Variants in CYB5R4 observed in about 807,000 individuals in gnomAD.
CYB5R4 encodes N-terminal cytochrome b5 and cytochrome b5 oxidoreductase domain-containing protein.
CYB5R4 carries 55 observed loss-of-function variants against 70.2 expected under a neutral mutation model. The ratio of observed to expected loss-of-function variants is 0.78; its 90% CI spans 0.63 to 0.98. CYB5R4 has a LOEUF of 0.98. Among genes scored for constraint, CYB5R4 ranks in the 50% least tolerant of loss-of-function variants. The pLI is 0.00. For missense variants in CYB5R4, 562 were observed against 612.6 expected (o/e 0.92, Z 0.87); for synonymous variants, 197 against 199.5 (o/e 0.99, Z 0.11).
chr6:83,904,343 G>A (rs1251672882), intron 3 of CYB5R4, among the ~76,000 whole-genome samples: 2 of 152,044 alleles, frequency 1.3e-5, no homozygotes, highest in Non-Finnish European at 2.9e-5. Context: ...GTATTTGTAT[G>A]GTTTTGAAAG....
chr6:83,934,750 G>T lies in CYB5R4; in HGVS notation c.955+15G>T, dbSNP rs199819342. The T allele has an allele frequency of 6.3e-6, 10 of 1,597,924 alleles. No individual in the cohort carries two copies. The highest frequency in any genetic ancestry group is 6.0e-6 in the Non-Finnish European group (7 of 1,173,952). On this transcript the variant is annotated intron_variant, in intron 11 of 15. Coordinates refer to ENST00000369681, the MANE Select transcript of CYB5R4 (RefSeq NM_016230.4). ...ACCTATTACAGGTAAGGTGAATAGAGGCTTTGGGACACAATTTATTCTTTT... is the reference window on the plus strand; with the variant it reads ...ACCTATTACAGGTAAGGTGAATAGATGCTTTGGGACACAATTTATTCTTTT...
At chr6:83,897,725 C>A (rs575601679) in intron 3 of CYB5R4, among the ~76,000 whole-genome samples, 7 of 152,048 alleles carry the variant, frequency 4.6e-5, no homozygotes, top group Non-Finnish European at 7.3e-5. Flanking sequence ...TATCCTTTGC[C>A]CACTTTTGGA....
chr6:83,878,637 C>T (rs150359749), intron 2 of CYB5R4, among the ~76,000 whole-genome samples: 14 of 152,268 alleles, frequency 9.2e-5, no homozygotes, highest in African/African-American at 3.1e-4. Context: ...TGAGCCACCG[C>T]GCCCAGCCGT....
At chr6:83,902,310 G>A (rs2099463108) in intron 3 of CYB5R4, among the ~76,000 whole-genome samples, 1 of 152,092 alleles carries the variant, frequency 6.6e-6, no homozygotes, top group African/African-American at 2.4e-5. Context: ...TGACGTCATT[G>A]TTGAAAATCA....
intron 1 of CYB5R4, among the ~76,000 whole-genome samples, chr6:83,862,197 A>G (rs2099456062): frequency 6.6e-6 from 1 of 152,226 alleles, no homozygotes; most frequent in Non-Finnish European, 1.5e-5. Context: ...AGTAAATGCT[A>G]CTTGTCCTGA....
rs746900136 is a variant in CYB5R4 at position 83,864,211 on chromosome 6, A to G, written c.112A>G (p.Ile38Val). 1.2e-6 allele frequency: 2 copies of G among 1,612,734 alleles called. No individual in the cohort carries two copies. The highest frequency in any genetic ancestry group is 2.2e-5 in the South Asian group (2 of 90,814). The change falls in exon 2 of 16, where the codon ATT becomes GTT. Residue 38 changes from isoleucine (I) to valine (V), a missense_variant. Coordinates refer to ENST00000369681, the MANE Select transcript of CYB5R4 (RefSeq NM_016230.4). ...LKQGRSLMDW[I>V]RLTKSGKDLT... is the part of the protein sequence containing the mutation. ...ACAGGGCAGAAGCCTTATGGATTGG[A>G]TTCGACTGACCAAAAGTGGAAAGGA...
In CYB5R4 at chr6:83,864,175, G is replaced by A; in HGVS notation, c.76G>A (p.Val26Ile). The A allele has an allele frequency of 6.5e-7, 1 of 1,541,096 alleles. No homozygotes were observed. Among genetic ancestry groups the A allele is most frequent in the Non-Finnish European group, 8.7e-7 (1 of 1,148,376 alleles). ...TAATTCTTCCTTTTTCCATTTTTAG[G>A]TACCTTTAAAACAGGGCAGAAGCCT... Reference protein sequence around the residue: ...QRVASGGRSKVPLKQGRSLMD... With the variant: ...QRVASGGRSKIPLKQGRSLMD... The change falls in exon 2 of 16, where the codon GTA becomes ATA. Residue 26 changes from valine to isoleucine, a missense_variant and splice_region_variant. Physicochemically the swap from Val to Ile is conservative, Grantham distance 29. Coordinates refer to ENST00000369681, the MANE Select transcript of CYB5R4 (RefSeq NM_016230.4).
intron 4 of CYB5R4, 87 bp from the exon 5 acceptor site, chr6:83,914,329 G>C: frequency 1.5e-6 from 2 of 1,371,062 alleles, no homozygotes; most frequent in South Asian, 2.7e-5. Flanking sequence ...AAGAAGGGAT[G>C]TTATCTTGAA....
chr6:83,912,446 GTGCCTC>G (rs1377009061), intron 4 of CYB5R4, among the ~76,000 whole-genome samples: 16 of 152,134 alleles, frequency 1.1e-4, no homozygotes, highest in Non-Finnish European at 1.9e-4. Flanking sequence ...GTATCCTCCT[GTGCCTC>G]TGCTCAGCAG....
chr6:83,871,216 G>A (rs2099457580), intron 2 of CYB5R4, among the ~76,000 whole-genome samples: 2 of 152,012 alleles, frequency 1.3e-5, no homozygotes, highest in African/African-American at 2.4e-5. Context: ...CTGATCGCAG[G>A]TGATCCACAG....
At position 83,920,596 on chromosome 6, in the gene CYB5R4, G is replaced by C. The variant is rs572665765; in HGVS notation, c.565-486G>C. Among the ~76,000 whole-genome samples, 15 of 152,132 alleles carry C rather than the reference G, an allele frequency of 9.9e-5. No homozygotes were observed. The South Asian group carries it at 2.9e-3, about 29-fold the overall frequency. On this transcript the variant is annotated intron_variant, in intron 7 of 15. Transcript: ENST00000369681. ...ACACCAAGGCTATGTAGAAGTTAGA[G>C]ACATCTAAAAATATGTTAGTGAATT...
intron 2 of CYB5R4, among the ~76,000 whole-genome samples, chr6:83,873,586 G>A (rs190596756): frequency 1.1e-4 from 16 of 152,056 alleles, no homozygotes; most frequent in Non-Finnish European, 1.8e-4. Flanking sequence ...TTGCTTTTTC[G>A]TATGACTGTG....
At position 83,910,190 on chromosome 6, in the gene CYB5R4, A is replaced by G. The variant is rs142301452; in HGVS notation, c.412+1100A>G. The G allele has an allele frequency of 6.5e-4, 987 of 1,515,638 alleles. 3 individuals carry two copies. The highest frequency in any genetic ancestry group is 5.9e-3 in the African/African-American group (422 of 72,048). 93.9% of individuals were successfully genotyped at this position (1,515,638 alleles called of 1,614,324 possible). A position where few individuals can be genotyped will look rare whatever the true frequency, so the allele number is the denominator to read the frequency against. On this transcript the variant is annotated intron_variant, in intron 4 of 15. Transcript: ENST00000369681. Reference sequence around the variant, plus strand: ...CACTGTGAGCAAGGACAAGACATCTATTGAATGGGCTGCCTGCCAGTTGGA... The same window carrying G: ...CACTGTGAGCAAGGACAAGACATCTGTTGAATGGGCTGCCTGCCAGTTGGA...
At chr6:83,941,428 G>T (rs1229952155) in intron 14 of CYB5R4, among the ~76,000 whole-genome samples, 6 of 152,042 alleles carry the variant, frequency 3.9e-5, no homozygotes, top group African/African-American at 1.4e-4. Context: ...AAGAATTTTA[G>T]GGCTTTATAA....
intron 1 of CYB5R4, among the ~76,000 whole-genome samples, chr6:83,861,635 G>C (rs535343821): frequency 3.3e-5 from 5 of 152,336 alleles, no homozygotes; most frequent in African/African-American, 1.2e-4. Flanking sequence ...CAGTCTGTGT[G>C]AATATTGGGT....
At chr6:83,888,293 C>T (rs1327119449) in intron 2 of CYB5R4, among the ~76,000 whole-genome samples, 1 of 152,142 alleles carries the variant, frequency 6.6e-6, no homozygotes, top group African/African-American at 2.4e-5. Flanking sequence ...AAATAGAGTA[C>T]AGGCATACCT....
intron 1 of CYB5R4, among the ~76,000 whole-genome samples, chr6:83,861,534 T>C (rs967558372): frequency 6.6e-6 from 1 of 152,274 alleles, no homozygotes; most frequent in Non-Finnish European, 1.5e-5. Flanking sequence ...TTGCATGCTC[T>C]GTGTCTGCGT....
intron 12 of CYB5R4, among the ~76,000 whole-genome samples, chr6:83,936,815 C>T (rs1304924936): frequency 6.6e-6 from 1 of 152,180 alleles, no homozygotes; most frequent in African/African-American, 2.4e-5. Context: ...ACTGCATGAC[C>T]TACAAAGACT....
At chr6:83,863,298 C>T (rs9344366) in intron 1 of CYB5R4, among the ~76,000 whole-genome samples, 27,319 of 152,010 alleles carry the variant, frequency 0.18, 5,163 homozygotes, top group African/African-American at 0.46. Flanking sequence ...CATGTGAAGA[C>T]GATTCTTTGC....
Sources: allele counts gnomAD v4.1 joint callset (sites outside exome capture counted in the v4.1 genomes callset), GRCh38; gene constraint gnomAD v4.1.1; transcripts MANE v1.5; gene names NCBI Gene and HGNC (gene_info 2026-07-23, HGNC 2026-07-21).